Variants in CACNA2D3 observed in about 807,000 individuals in gnomAD.
CACNA2D3 encodes the protein calcium voltage-gated channel auxiliary subunit alpha2delta 3, also known as voltage-dependent calcium channel subunit alpha-2/delta-3.
Under a neutral mutation model 160.6 loss-of-function variants are expected in CACNA2D3, and 60 were observed. The ratio of observed to expected loss-of-function variants is 0.37; its 90% CI spans 0.30 to 0.46. The LOEUF (loss-of-function observed/expected upper bound fraction) is 0.46. Ranked by LOEUF, CACNA2D3 falls within the 20% of genes least tolerant of loss-of-function variation. CACNA2D3 has a pLI of 1.00. For missense variants in CACNA2D3, 1,205 were observed against 1,365.0 expected, an observed-to-expected ratio of 0.88 and a Z score of 1.85; for synonymous variants, 558 against 492.9, an observed-to-expected ratio of 1.13 and a Z score of -1.75.
chr3:54,946,123 TGAAA>T (rs745750135), intron 27 of CACNA2D3, among the ~76,000 whole-genome samples: 1 of 152,234 alleles, frequency 6.6e-6, no homozygotes, highest in Non-Finnish European at 1.5e-5. Context: ...GTGCCTGTCC[TGAAA>T]GACTCTCAGT....
intron 13 of CACNA2D3, among the ~76,000 whole-genome samples, chr3:54,800,438 C>T (rs530084280): frequency 3.1e-4 from 47 of 152,302 alleles, no homozygotes; most frequent in African/African-American, 9.6e-4. Flanking sequence ...ACTTTTCAGC[C>T]GGATGATCAC....
intron 27 of CACNA2D3, among the ~76,000 whole-genome samples, chr3:54,929,654 A>G (rs1009621162): frequency 1.3e-5 from 2 of 152,120 alleles, no homozygotes. Context: ...AGCATCACAC[A>G]TACAATGGGC....
At chr3:54,945,583 G>A (rs1203946799) in intron 27 of CACNA2D3, among the ~76,000 whole-genome samples, 2 of 152,118 alleles carry the variant, frequency 1.3e-5, no homozygotes, top group Non-Finnish European at 2.9e-5. Flanking sequence ...ATAACCTGGG[G>A]CAAGTTATGT....
chr3:54,704,698 C>A (rs192955979), intron 11 of CACNA2D3, among the ~76,000 whole-genome samples: 6 of 152,142 alleles, frequency 3.9e-5, no homozygotes, highest in Non-Finnish European at 8.8e-5. Flanking sequence ...TATTAATATA[C>A]CCCATCTAAC....
intron 5 of CACNA2D3, among the ~76,000 whole-genome samples, chr3:54,521,606 T>G (rs1224067903): frequency 2.6e-5 from 4 of 152,232 alleles, no homozygotes; most frequent in Non-Finnish European, 4.4e-5. Flanking sequence ...GTGTCATATC[T>G]AAGAATCTGT....
chr3:54,937,898 T>C (rs956489506), intron 27 of CACNA2D3, among the ~76,000 whole-genome samples: 2 of 152,020 alleles, frequency 1.3e-5, no homozygotes, highest in Non-Finnish European at 1.5e-5. Context: ...CTGGTTGCTG[T>C]CCCCGACCTC....
At chr3:54,401,618 A>G (rs933507895) in intron 4 of CACNA2D3, among the ~76,000 whole-genome samples, 5 of 152,188 alleles carry the variant, frequency 3.3e-5, no homozygotes, top group African/African-American at 1.2e-4. Context: ...CTGAAAGGAA[A>G]AAGAATGTCA....
At chr3:54,609,136 G>A (rs184641774) in intron 9 of CACNA2D3, among the ~76,000 whole-genome samples, 1 of 152,274 alleles carries the variant, frequency 6.6e-6, no homozygotes, top group Admixed American at 6.5e-5. Flanking sequence ...GGGTGTGGCT[G>A]TGAGCCAATA....
intron 2 of CACNA2D3, among the ~76,000 whole-genome samples, chr3:54,235,665 C>T (rs1293620875): frequency 1.3e-5 from 2 of 152,312 alleles, no homozygotes; most frequent in East Asian, 3.9e-4. Flanking sequence ...ACCATATCAG[C>T]TCCCAGTGGC....
At chr3:54,561,103 T>C (rs1326445975) in intron 5 of CACNA2D3, among the ~76,000 whole-genome samples, 1 of 152,256 alleles carries the variant, frequency 6.6e-6, no homozygotes, top group Non-Finnish European at 1.5e-5. Flanking sequence ...GTTTTTCTAG[T>C]TCTGTGAAGA....
chr3:54,336,528 G>A (rs1575402351), intron 3 of CACNA2D3, among the ~76,000 whole-genome samples: 1 of 152,134 alleles, frequency 6.6e-6, no homozygotes, highest in East Asian at 1.9e-4. Flanking sequence ...AGGGTCACAC[G>A]CTCATAGCTG....
intron 35 of CACNA2D3, among the ~76,000 whole-genome samples, chr3:55,029,588 A>G (rs1308893226): frequency 2.6e-5 from 4 of 152,146 alleles, no homozygotes; most frequent in Middle Eastern, 3.4e-3. Context: ...TTTTGCTCTG[A>G]TGAGACTGTC....
chr3:55,028,719 G>C (rs1254637565), intron 35 of CACNA2D3, among the ~76,000 whole-genome samples: 1 of 152,126 alleles, frequency 6.6e-6, no homozygotes, highest in Non-Finnish European at 1.5e-5. Flanking sequence ...TTCAGTGTTG[G>C]CAAAATATTA....
At chr3:54,642,368 T>C in intron 11 of CACNA2D3, 127 bp downstream of exon 11, 1 of 540,540 alleles carries the variant, frequency 1.9e-6, no homozygotes. Flanking sequence ...TTCTCAGCCT[T>C]GTGTTTTTTG....
intron 29 of CACNA2D3, among the ~76,000 whole-genome samples, chr3:54,970,499 TCCCC>T: frequency 9.3e-4 from 1 of 1,078 alleles, no homozygotes. Flanking sequence ...TCCCCTCCCC[TCCCC>T]TCCTCTCCCC....
chr3:54,871,905 C>A (rs1559611756), intron 18 of CACNA2D3, among the ~76,000 whole-genome samples: 1 of 152,252 alleles, frequency 6.6e-6, no homozygotes, highest in Non-Finnish European at 1.5e-5. Flanking sequence ...ATGACTCCAG[C>A]CTTCTTCCCA....
At chr3:54,533,417 C>G (rs1701836495) in intron 5 of CACNA2D3, among the ~76,000 whole-genome samples, 2 of 148,612 alleles carry the variant, frequency 1.3e-5, no homozygotes, top group African/African-American at 4.9e-5. Context: ...TCACTGCAAC[C>G]TCCATCTCCC....
Position 54,282,435 on chromosome 3 carries a change from G to A in CACNA2D3, c.205-38007G>A, listed in dbSNP as rs142630153. ...AACCATCAGGTGTGAGGAAAGATGC[G>A]TCAAGGTAGAGACACCAGAGTACTA... On this transcript the variant is annotated intron_variant, in intron 2 of 37. Transcript: ENST00000474759. Among the ~76,000 whole-genome samples the A allele has an allele frequency of 3.4e-4, 52 of 152,344 alleles. No homozygotes were observed. The East Asian group carries it at 5.4e-3, about 16-fold the overall frequency.
chr3:55,021,625 G>GTA (rs61298986), intron 35 of CACNA2D3, among the ~76,000 whole-genome samples: 2,908 of 131,404 alleles, frequency 0.022, 42 homozygotes, highest in East Asian at 0.04. Flanking sequence ...ATGTGTGTGT[G>GTA]TATATATATA....
Sources: allele counts gnomAD v4.1 joint callset (sites outside exome capture counted in the v4.1 genomes callset), GRCh38; gene constraint gnomAD v4.1.1; transcripts MANE v1.5; gene names NCBI Gene and HGNC (gene_info 2026-07-23, HGNC 2026-07-21).